The following IRAG1 variants were observed in gnomAD, a reference collection of about 807,000 sequenced individuals.
IRAG1 encodes the protein IP3R-associated cGMP kinase substrate.
A neutral mutation model predicts 106.2 loss-of-function variants in IRAG1; 62 were observed. The ratio of observed to expected loss-of-function variants is 0.58; its 90% CI spans 0.48 to 0.72. The LOEUF is 0.72. Ranked by LOEUF, IRAG1 falls within the 30% of genes least tolerant of loss-of-function variation. The pLI is 0.00. For missense variants in IRAG1, 1,064 were observed against 1,140.7 expected (o/e 0.93, Z 0.97); for synonymous variants, 462 against 443.9 (o/e 1.04, Z -0.51).
At chr11:10,600,508 C>A (rs985260151) in intron 15 of IRAG1, among the ~76,000 whole-genome samples, 7 of 152,208 alleles carry the variant, frequency 4.6e-5, no homozygotes, top group African/African-American at 1.2e-4. Context: ...TGATTAAAAT[C>A]ATTGGCTGGA....
chr11:10,643,493 A>G (rs1857702624), intron 2 of IRAG1, among the ~76,000 whole-genome samples: 1 of 152,210 alleles, frequency 6.6e-6, no homozygotes, highest in African/African-American at 2.4e-5. Flanking sequence ...TTTTACTCTC[A>G]TGCCAACAGA....
At chr11:10,587,697 G>A (rs1328792624) in intron 18 of IRAG1, among the ~76,000 whole-genome samples, 1 of 152,078 alleles carries the variant, frequency 6.6e-6, no homozygotes, top group Non-Finnish European at 1.5e-5. Flanking sequence ...TGGTTTTGCT[G>A]ATCGCTCTGT....
At chr11:10,623,919 G>C in intron 9 of IRAG1, 63 bp from the exon 10 acceptor site, 1 of 1,483,234 alleles carries the variant, frequency 6.7e-7, no homozygotes, top group Non-Finnish European at 9.4e-7. Flanking sequence ...CTGTTCTCTT[G>C]GCTCTGTCTA....
In IRAG1 at chr11:10,679,969, G is replaced by T. The variant is rs193108103; in HGVS notation, c.67+13567C>A. ...GTTTTTCCAAGGAGTATCTCAAAGT[G>T]TCCTCTTTAAAACTCCACTCTGGGC... is the stretch of plus-strand genomic sequence containing the variant. On this transcript the variant is annotated intron_variant, in intron 1 of 20. Coordinates refer to ENST00000423302, the MANE Select transcript of IRAG1 (RefSeq NM_130385.4). Among the ~76,000 whole-genome samples the T allele has an allele frequency of 7.9e-4, 120 of 152,100 alleles. 1 individual carries two copies. Among genetic ancestry groups the T allele is most frequent in the Admixed American group, 7.9e-3 (120 of 15,282 alleles).
At chr11:10,686,653 T>C (rs1227464603) in intron 1 of IRAG1, among the ~76,000 whole-genome samples, 3 of 152,012 alleles carry the variant, frequency 2.0e-5, no homozygotes, top group African/African-American at 7.3e-5. Context: ...TCAGGCATTA[T>C]CACTCTGTCC....
intron 1 of IRAG1, chr11:10,658,642 T>C: frequency 1.1e-5 from 2 of 178,550 alleles, no homozygotes; most frequent in South Asian, 9.0e-5. Flanking sequence ...TGTGCTGGGC[T>C]TGCCCCATGT....
At chr11:10,688,330 G>T (rs1168028166) in intron 1 of IRAG1, among the ~76,000 whole-genome samples, 1 of 152,162 alleles carries the variant, frequency 6.6e-6, no homozygotes, top group East Asian at 1.9e-4. Context: ...TAAGGGAAGA[G>T]CTGGCCAACA....
At chr11:10,642,138 T>C (rs1339204603) in intron 2 of IRAG1, among the ~76,000 whole-genome samples, 6 of 152,136 alleles carry the variant, frequency 3.9e-5, no homozygotes, top group Non-Finnish European at 8.8e-5. Context: ...TTCTCACTCC[T>C]CCATGGGCCC....
At chr11:10,629,219 C>T (rs1856504942) in intron 5 of IRAG1, among the ~76,000 whole-genome samples, 1 of 152,158 alleles carries the variant, frequency 6.6e-6, no homozygotes, top group South Asian at 2.1e-4. Flanking sequence ...ACACACTTGC[C>T]CAACTTTTTG....
chr11:10,666,079 T>A (rs1253610007), intron 1 of IRAG1, among the ~76,000 whole-genome samples: 1 of 152,204 alleles, frequency 6.6e-6, no homozygotes, highest in Non-Finnish European at 1.5e-5. Context: ...CAACTGTGAC[T>A]GCCTAATGAT....
intron 10 of IRAG1, among the ~76,000 whole-genome samples, chr11:10,619,016 T>G (rs1215270943): frequency 1.3e-5 from 2 of 152,178 alleles, no homozygotes; most frequent in Non-Finnish European, 2.9e-5. Flanking sequence ...CCAAGGGGAC[T>G]GATAATGGTA....
intron 10 of IRAG1, among the ~76,000 whole-genome samples, chr11:10,619,481 TGGGG>T (rs1264754418): frequency 0.017 from 2,526 of 152,226 alleles, 1 homozygote; most frequent in African/African-American, 0.058. Flanking sequence ...GGCTCTTTGA[TGGGG>T]CTTTCAGAAT....
rs979147772 is a variant in IRAG1, at chr11:10,676,932, A to G, written c.67+16604T>C. Among the ~76,000 whole-genome samples, 40 of 152,178 alleles carry G rather than the reference A, an allele frequency of 2.6e-4. 1 individual carries two copies. The highest frequency in any genetic ancestry group is 1.2e-3 in the South Asian group (6 of 4,830). The stretch of plus-strand genomic sequence containing the variant: ...CTCTGCAGAGACGATGCCACAGCTC[A>G]TCTCCCTGTCCTCAGTCTCTCGTTC... On this transcript the variant is annotated intron_variant, in intron 1 of 20. Coordinates refer to ENST00000423302, the MANE Select transcript of IRAG1 (RefSeq NM_130385.4).
chr11:10,673,066 T>C (rs563785394), intron 1 of IRAG1, among the ~76,000 whole-genome samples: 1 of 152,208 alleles, frequency 6.6e-6, no homozygotes, highest in South Asian at 2.1e-4. Flanking sequence ...GCGAATCACT[T>C]GAGGTCAGGA....
At chr11:10,632,771 A>G (rs1457376766) in intron 3 of IRAG1, among the ~76,000 whole-genome samples, 1 of 152,242 alleles carries the variant, frequency 6.6e-6, no homozygotes, top group East Asian at 1.9e-4. Flanking sequence ...TAACTTGTAG[A>G]AGCCTCATAA....
chr11:10,617,233 G>T, intron 10 of IRAG1: 1 of 979,452 alleles, frequency 1.0e-6, no homozygotes, highest in South Asian at 4.7e-5. Context: ...ATCATTTCAA[G>T]AGCCACCATT....
intron 2 of IRAG1, among the ~76,000 whole-genome samples, chr11:10,651,083 T>C (rs1212907191): frequency 6.6e-6 from 1 of 152,192 alleles, no homozygotes; most frequent in Non-Finnish European, 1.5e-5. Context: ...CTGTCCGATA[T>C]AACAGGACAA....
At chr11:10,636,472 A>T (rs900831326) in intron 2 of IRAG1, among the ~76,000 whole-genome samples, 1 of 152,224 alleles carries the variant, frequency 6.6e-6, no homozygotes, top group Admixed American at 6.5e-5. Context: ...CCACGATGCC[A>T]GGCCATGATT....
chr11:10,680,404 G>GGAAAGAAAGAAAGGGAAA (rs374248232), intron 1 of IRAG1, among the ~76,000 whole-genome samples: 2 of 82,088 alleles, frequency 2.4e-5, no homozygotes, highest in Non-Finnish European at 4.3e-5. Context: ...AAGGAAGGAA[G>GGAAAGAAAGAAAGGGAAA]GAAAGAAAGG....
Sources: allele counts gnomAD v4.1 joint callset (sites outside exome capture counted in the v4.1 genomes callset), GRCh38; gene constraint gnomAD v4.1.1; transcripts MANE v1.5; gene names NCBI Gene and HGNC (gene_info 2026-07-23, HGNC 2026-07-21).